FER1L5: variants seen among roughly 807,000 people sequenced by gnomAD.
The protein encoded by FER1L5 is fer-1-like protein 5.
In FER1L5, 187 loss-of-function variants were observed where a neutral mutation model predicts 279.9. The observed-to-expected ratio is 0.67, with a 90% CI of 0.59 to 0.75. FER1L5 has a LOEUF of 0.75. Ranked by LOEUF, FER1L5 falls within the 30% of genes least tolerant of loss-of-function variation. FER1L5 has a pLI of 0.00. For synonymous variants in FER1L5, 921 were observed against 989.7 expected, an observed-to-expected ratio of 0.93 and a Z score of 1.30; for missense variants, 2,091 against 2,594.4, an observed-to-expected ratio of 0.81 and a Z score of 4.21.
Position 96,698,823 on chromosome 2 carries a change from C to T in FER1L5, c.4509C>T (p.Tyr1503=), listed in dbSNP as rs1189202522. 1.2e-5 allele frequency: 18 copies of T among 1,561,854 alleles called. No homozygotes were observed. The highest frequency in any genetic ancestry group is 1.6e-5 in the Non-Finnish European group (18 of 1,153,148). Reference sequence around the variant, plus strand: ...CCATCAACCTGCAGCCCCAGGACTACAATGGCCTGGTAAAGAACAGTACCT... The same window carrying T: ...CCATCAACCTGCAGCCCCAGGACTATAATGGCCTGGTAAAGAACAGTACCT... The part of the protein sequence containing the change: ...VRAINLQPQD[Y]NGLCDPYVIL... Residue 1503 remains tyrosine (Y), a synonymous_variant, in exon 41 of 53, where the codon TAC becomes TAT. Coordinates refer to ENST00000624922, the MANE Select transcript of FER1L5 (RefSeq NM_001293083.2). This position sits in a 1 kb window ranked among gnomAD's most constrained non-coding sequence, Gnocchi z 5.5.
chr2:96,702,341 A>G lies in FER1L5; in HGVS notation c.5195A>G (p.Asn1732Ser), dbSNP rs766835405. 18 of 1,613,134 alleles carry G rather than the reference A, an allele frequency of 1.1e-5. No individual in the cohort carries two copies. Among genetic ancestry groups the G allele is most frequent in the Admixed American group, 1.7e-5 (1 of 59,910 alleles). The change falls in exon 47 of 53, where the codon AAT (asparagine) becomes AGT (serine). Residue 1732 changes from asparagine to serine, a missense_variant. Asn to Ser is a conservative substitution (Grantham distance 46, BLOSUM62 1). Coordinates refer to ENST00000624922, the MANE Select transcript of FER1L5 (RefSeq NM_001293083.2). This position sits in a 1 kb window ranked among gnomAD's most constrained non-coding sequence, Gnocchi z 4.0. ...CGATGCATCATCTGGAAGACTGCCA[A>G]TGTGGACCTGGTGGATGACAATTTA... ...ELRCIIWKTA[N>S]VDLVDDNLSR...
chr2:96,660,400 G>A, intron 10 of FER1L5, 29 bp downstream of exon 10: 2 of 1,549,710 alleles, frequency 1.3e-6, no homozygotes, highest in Non-Finnish European at 1.7e-6. Flanking sequence ...AAATATGTAT[G>A]TCTTCTGAGA....
intron 9 of FER1L5, among the ~76,000 whole-genome samples, chr2:96,658,379 C>T (rs1205618589): frequency 1.3e-4 from 18 of 139,722 alleles, no homozygotes; most frequent in African/African-American, 4.6e-4. Context: ...TGCAGTGGCG[C>T]GATCTCAGCT....
rs1355552512 is a variant in FER1L5, at chr2:96,689,694, A to G, written c.2576A>G (p.Tyr859Cys). The G allele has an allele frequency of 6.4e-7, 1 of 1,550,810 alleles. No homozygotes were observed. The change falls in exon 26 of 53, where the codon TAT becomes TGT. Residue 859 changes from tyrosine (Y) to cysteine (C), a missense_variant. Coordinates refer to ENST00000624922, the MANE Select transcript of FER1L5 (RefSeq NM_001293083.2). This position sits in a 1 kb window ranked among gnomAD's most constrained non-coding sequence, Gnocchi z 4.6. ...AAGAGCCAGGTGCTGGAGGAGGTAT[A>G]TGAGAACCAGGGCCGTGACACCAGA... is the stretch of plus-strand genomic sequence containing the variant. ...INKSQVLEEVYENQGRDTRGA... is the reference protein window; with the variant it reads ...INKSQVLEEVCENQGRDTRGA...
intron 6 of FER1L5, among the ~76,000 whole-genome samples, chr2:96,651,420 T>TTTCC (rs1163594481): frequency 4.7e-5 from 7 of 150,368 alleles, no homozygotes; most frequent in Admixed American, 4.0e-4. Context: ...CTTTCTTTCT[T>TTTCC]TTCCTTCCTT....
intron 7 of FER1L5, 56 bp downstream of exon 7, chr2:96,652,076 G>T (rs1397110978): frequency 6.5e-7 from 1 of 1,549,218 alleles, no homozygotes. Context: ...GGCATCCCCG[G>T]TGGGCAGCCG....
intron 14 of FER1L5, among the ~76,000 whole-genome samples, chr2:96,665,086 C>T (rs867867499): frequency 1.3e-5 from 2 of 152,162 alleles, no homozygotes; most frequent in Middle Eastern, 3.2e-3. Flanking sequence ...CTCTTGAAGG[C>T]GGAGTCTTAC....
rs1296103544 is a variant in FER1L5 at position 96,704,096 on chromosome 2, G to A, written c.5802-119G>A. 4.6e-5 allele frequency: 57 copies of A among 1,240,918 alleles called. No homozygotes were observed. In the South Asian group the frequency reaches 4.7e-4, roughly 10 times the overall value. The allele number at this position is 1,240,918 out of a possible 1,614,324, so 76.9% of individuals were successfully genotyped here. A position where few individuals can be genotyped will look rare whatever the true frequency, so the allele number is the denominator to read the frequency against. On this transcript the variant is annotated intron_variant, in intron 51 of 52. Coordinates refer to ENST00000624922, the MANE Select transcript of FER1L5 (RefSeq NM_001293083.2). ...CTCCCAAAATGCTGGGATTACAGGC[G>A]TGAGACACTGTGCCTGGCCCAGTAG...
At chr2:96,643,193 A>C (rs144299861) in intron 1 of FER1L5, among the ~76,000 whole-genome samples, 1 of 152,296 alleles carries the variant, frequency 6.6e-6, no homozygotes, top group East Asian at 1.9e-4. Flanking sequence ...CCATAAACTA[A>C]GGTTTAAAGA....
chr2:96,660,488 T>A, intron 10 of FER1L5, 117 bp downstream of exon 10: 1 of 871,516 alleles, frequency 1.1e-6, no homozygotes, highest in Non-Finnish European at 1.8e-6. Flanking sequence ...TTAGAGATTG[T>A]AAATTATTTT....
intron 9 of FER1L5, chr2:96,654,964 T>G (rs1433555738): frequency 2.0e-5 from 3 of 151,730 alleles, no homozygotes; most frequent in Non-Finnish European, 4.4e-5. Context: ...ACTGGGTGAC[T>G]TAAACAAGTT....
chr2:96,659,638 C>T (rs2075877847), intron 9 of FER1L5, among the ~76,000 whole-genome samples: 1 of 150,660 alleles, frequency 6.6e-6, no homozygotes, highest in Admixed American at 6.7e-5. Flanking sequence ...ACTACAGGGG[C>T]CCGCCACCAC....
At chr2:96,651,237 CTCTTTCTTTCTT>C (rs70964882) in intron 6 of FER1L5, among the ~76,000 whole-genome samples, 15,030 of 128,476 alleles carry the variant, frequency 0.12, 954 homozygotes, top group African/African-American at 0.14. Flanking sequence ...TTCTTTCTTT[CTCTTTCTTTCTT>C]TCTTTCTTTC....
chr2:96,659,386 T>G (rs1179816504), intron 9 of FER1L5, among the ~76,000 whole-genome samples: 1 of 12,308 alleles, frequency 8.1e-5, no homozygotes, highest in East Asian at 2.8e-3. Flanking sequence ...TCTTTCTTTC[T>G]TTCTTTCTTT....
intron 23 of FER1L5, among the ~76,000 whole-genome samples, chr2:96,686,850 C>A: frequency 7.9e-6 from 1 of 127,158 alleles, no homozygotes; most frequent in African/African-American, 3.2e-5. Flanking sequence ...AGCGAGACTC[C>A]GTCTCAAAAA....
In FER1L5 at chr2:96,691,042, G is replaced by A. The variant is rs1044023231; in HGVS notation, c.2744-148G>A. 3 of 1,070,448 alleles carry A rather than the reference G, an allele frequency of 2.8e-6. No homozygotes were observed. The highest frequency in any genetic ancestry group is 3.9e-6 in the Non-Finnish European group (3 of 766,578). The allele number at this position is 1,070,448 out of a possible 1,614,324, so 66.3% of individuals were successfully genotyped here. On this transcript the variant is annotated intron_variant, in intron 27 of 52. Transcript: ENST00000624922. This position sits in a 1 kb window ranked among gnomAD's most constrained non-coding sequence, Gnocchi z 6.0. ...GCCCAGGCCACTCAGGTGACACAGTGTAGCCACACTCTCCTTTCCACACCT... is the reference window on the plus strand; with the variant it reads ...GCCCAGGCCACTCAGGTGACACAGTATAGCCACACTCTCCTTTCCACACCT...
At chr2:96,671,203 A>AAGGG (rs2076319582) in intron 18 of FER1L5, among the ~76,000 whole-genome samples, 1 of 151,620 alleles carries the variant, frequency 6.6e-6, no homozygotes. Context: ...AAAACAATCT[A>AAGGG]AGGGATTTGG....
chr2:96,654,225 C>T (rs1375740465), intron 8 of FER1L5: 5 of 371,170 alleles, frequency 1.3e-5, no homozygotes, highest in Non-Finnish European at 1.9e-5. Flanking sequence ...AAATTGACCT[C>T]TCTGATCAAT....
chr2:96,683,956 C>T (rs543962205), intron 19 of FER1L5, among the ~76,000 whole-genome samples: 1 of 152,288 alleles, frequency 6.6e-6, no homozygotes, highest in East Asian at 1.9e-4. Flanking sequence ...AGAGGCGTGC[C>T]CCGTGCCCCT....
Sources: allele counts gnomAD v4.1 joint callset (sites outside exome capture counted in the v4.1 genomes callset), GRCh38; gene constraint gnomAD v4.1.1; non-coding constraint Gnocchi (gnomAD v3.1); transcripts MANE v1.5; gene names NCBI Gene and HGNC (gene_info 2026-07-23, HGNC 2026-07-21).